The following NDUFAF6 variants were observed in gnomAD, a reference collection of about 807,000 sequenced individuals.
NDUFAF6 encodes the protein NADH dehydrogenase (ubiquinone) complex I, assembly factor 6.
In NDUFAF6, 45 loss-of-function variants were observed where a neutral mutation model predicts 40.8. The observed-to-expected ratio is 1.10, with a 90% CI of 0.87 to 1.42. The LOEUF (loss-of-function observed/expected upper bound fraction) is 1.42, where lower values mean the gene tolerates loss of function less well. NDUFAF6 is among the 40% of genes most tolerant of loss of function. The pLI, the probability that NDUFAF6 is intolerant of heterozygous loss-of-function variation, is 0.00. For synonymous variants in NDUFAF6, 185 were observed against 155.9 expected (o/e 1.19, Z -1.39); for missense variants, 435 against 418.5 (o/e 1.04, Z -0.34).
chr8:94,946,470 GCAGGAGGATCACTTTAAGC>G (rs1215002008), intron 2 of NDUFAF6, among the ~76,000 whole-genome samples: 1 of 151,688 alleles, frequency 6.6e-6, no homozygotes, highest in African/African-American at 2.4e-5. Context: ...GGATGCCAAG[GCAGGAGGATCACTTTAAGC>G]CAGGAGTTCA....
chr8:94,941,607 A>G (rs557427139), intron 1 of NDUFAF6, among the ~76,000 whole-genome samples: 38 of 152,334 alleles, frequency 2.5e-4, no homozygotes, highest in East Asian at 1.2e-3. Context: ...TTGACCTTCT[A>G]AACAATTCCT....
chr8:95,025,274 C>A, intron 1 of NDUFAF6, 69 bp downstream of exon 1: 2 of 1,313,880 alleles, frequency 1.5e-6, no homozygotes, highest in Non-Finnish European at 9.7e-7. Flanking sequence ...CTGCGCCTCG[C>A]GTCTGGCCTG....
chr8:94,919,270 C>G (rs982773453), intron 1 of NDUFAF6, among the ~76,000 whole-genome samples: 8 of 152,174 alleles, frequency 5.3e-5, no homozygotes, highest in Non-Finnish European at 1.5e-5. Context: ...CAGCCTTGAT[C>G]TCGCAGGCTC....
chr8:94,941,094 A>C, intron 1 of NDUFAF6: 1 of 600,262 alleles, frequency 1.7e-6, no homozygotes. Context: ...CATTGTACCT[A>C]AAATAAAACA....
intron 1 of NDUFAF6, among the ~76,000 whole-genome samples, chr8:94,969,702 T>C (rs1824298699): frequency 6.6e-6 from 1 of 151,964 alleles, no homozygotes; most frequent in African/African-American, 2.4e-5. Flanking sequence ...TTATGCAAAA[T>C]TAGAATATAT....
At chr8:95,070,025 T>C (rs1213839268) in intron 9 of NDUFAF6, among the ~76,000 whole-genome samples, 2 of 151,678 alleles carry the variant, frequency 1.3e-5, no homozygotes, top group African/African-American at 4.9e-5. Flanking sequence ...CCTTCACTCA[T>C]GAACTGTGTA....
At chr8:94,966,400 C>T (rs1824015942) in intron 1 of NDUFAF6, among the ~76,000 whole-genome samples, 1 of 151,996 alleles carries the variant, frequency 6.6e-6, no homozygotes, top group Non-Finnish European at 1.5e-5. Context: ...TCAAGACCAG[C>T]CTGAGCTACA....
At chr8:94,897,398 T>G (rs1025920341) in intron 1 of NDUFAF6, among the ~76,000 whole-genome samples, 1 of 152,198 alleles carries the variant, frequency 6.6e-6, no homozygotes. Flanking sequence ...AGATACCTGG[T>G]CAATAGACAA....
chr8:95,016,396 C>T (rs1011496413), intron 2 of NDUFAF6, among the ~76,000 whole-genome samples: 3 of 152,186 alleles, frequency 2.0e-5, no homozygotes, highest in African/African-American at 4.8e-5. Flanking sequence ...TCTCTTCTGG[C>T]GTCTGCTAAG....
At chr8:95,044,492 G>A (rs1192028816) in intron 4 of NDUFAF6, 12 of 123,184 alleles carry the variant, frequency 9.7e-5, no homozygotes, top group African/African-American at 3.8e-4. Flanking sequence ...CACTCTTGTC[G>A]CCCAGGCTGG....
At chr8:94,956,185 T>G (rs726816), upstream of NDUFAF6, among the ~76,000 whole-genome samples, 78,443 of 152,052 alleles carry the variant, frequency 0.52, 20,677 homozygotes, top group East Asian at 0.72. Flanking sequence ...ATAATGCATG[T>G]AAGCATTTAA....
At chr8:94,969,017 A>G (rs1824245264) in intron 1 of NDUFAF6, among the ~76,000 whole-genome samples, 1 of 152,214 alleles carries the variant, frequency 6.6e-6, no homozygotes. Context: ...GATTTTGACC[A>G]TGTTAAGTTT....
intron 2 of NDUFAF6, among the ~76,000 whole-genome samples, chr8:95,004,242 G>A (rs570361731): frequency 6.6e-6 from 1 of 152,142 alleles, no homozygotes; most frequent in East Asian, 1.9e-4. Context: ...AGCTCCTAAG[G>A]GCACCAGCTT....
chr8:94,994,816 C>A (rs1436339326), intron 2 of NDUFAF6, among the ~76,000 whole-genome samples: 1 of 152,096 alleles, frequency 6.6e-6, no homozygotes, highest in Non-Finnish European at 1.5e-5. Flanking sequence ...TGGGTGGAGA[C>A]CCTGTCTCAA....
chr8:95,045,705 A>T (rs1830669116), intron 5 of NDUFAF6, 58 bp downstream of exon 5: 1 of 1,403,244 alleles, frequency 7.1e-7, no homozygotes, highest in East Asian at 2.3e-5. Flanking sequence ...ATGAGATTTC[A>T]CTTTTTCATA....
At chr8:95,095,970 C>T (rs564348365), upstream of NDUFAF6, among the ~76,000 whole-genome samples, 5 of 152,046 alleles carry the variant, frequency 3.3e-5, no homozygotes, top group East Asian at 3.9e-4. Context: ...CGGCTGATTT[C>T]GCTGTTTTTG....
chr8:95,076,335 G>A (rs932314390), downstream of NDUFAF6, among the ~76,000 whole-genome samples: 2 of 152,062 alleles, frequency 1.3e-5, no homozygotes, highest in Admixed American at 1.3e-4. Flanking sequence ...GGCACTCAGG[G>A]CTTCAAGAAT....
At chr8:95,117,533 T>C (rs934001924), downstream of NDUFAF6, among the ~76,000 whole-genome samples, 2 of 152,224 alleles carry the variant, frequency 1.3e-5, no homozygotes, top group Admixed American at 1.3e-4. Context: ...GGCATTGCAC[T>C]TTTGTTATGT....
At chr8:95,077,617 A>T (rs755077089), downstream of NDUFAF6, among the ~76,000 whole-genome samples, 1 of 152,218 alleles carries the variant, frequency 6.6e-6, no homozygotes, top group African/African-American at 2.4e-5. Context: ...TTTCAGATGC[A>T]GGTGACCATG....
Sources: gnomAD v4.1 joint callset for allele counts (sites outside exome capture counted in the v4.1 genomes callset) on GRCh38, gnomAD v4.1.1 for gene constraint, MANE v1.5 for transcripts, NCBI Gene and HGNC (gene_info 2026-07-23, HGNC 2026-07-21) for gene names.